COL24A1: variants seen among roughly 807,000 people sequenced by gnomAD.
COL24A1 encodes collagen alpha-1(XXIV) chain.
COL24A1 carries 224 observed loss-of-function variants against 253.9 expected under a neutral mutation model. The observed-to-expected ratio is 0.88, with a 90% confidence interval of 0.79 to 0.99. COL24A1 has a LOEUF of 0.99. Among genes scored for constraint, COL24A1 ranks in the 50% least tolerant of loss-of-function variants. The pLI, the probability that COL24A1 is intolerant of heterozygous loss-of-function variation, is 0.00. For missense variants in COL24A1, 2,131 were observed against 2,068.5 expected, an observed-to-expected ratio of 1.03 and a Z score of -0.59; for synonymous variants, 685 against 673.7, an observed-to-expected ratio of 1.02 and a Z score of -0.26.
rs368839616 is a variant in COL24A1 at position 85,839,158 on chromosome 1, C to T, written c.3628-520G>A. Among the ~76,000 whole-genome samples the T allele has an allele frequency of 1.1e-4, 17 of 152,220 alleles. No individual in the cohort carries two copies. The East Asian group carries it at 2.9e-3, about 26-fold the overall frequency. ...AGGTTGCAGTGAGTCATGTTTGCAC[C>T]ACTGCTCTCCAGCCTGGGCAACAGA... On this transcript the variant is annotated intron_variant, in intron 42 of 59. Coordinates refer to ENST00000370571, the MANE Select transcript of COL24A1 (RefSeq NM_152890.7).
intron 7 of COL24A1, among the ~76,000 whole-genome samples, chr1:86,074,478 A>G (rs1702107906): frequency 6.6e-6 from 1 of 152,200 alleles, no homozygotes; most frequent in African/African-American, 2.4e-5. Context: ...AGATCTACAA[A>G]GAGACTTAGA....
chr1:86,032,386 T>C (rs1698653231), intron 13 of COL24A1, among the ~76,000 whole-genome samples: 1 of 152,186 alleles, frequency 6.6e-6, no homozygotes, highest in South Asian at 2.1e-4. Flanking sequence ...AAAATAGAAA[T>C]ACCAATATTT....
chr1:85,934,447 T>A (rs150665565), intron 24 of COL24A1, among the ~76,000 whole-genome samples: 271 of 152,358 alleles, frequency 1.8e-3, no homozygotes, highest in African/African-American at 6.4e-3. Context: ...TTTTAAGTTA[T>A]ACACTTCTTT....
At chr1:85,982,540 G>A (rs918991234) in intron 20 of COL24A1, among the ~76,000 whole-genome samples, 1 of 148,686 alleles carries the variant, frequency 6.7e-6, no homozygotes, top group Non-Finnish European at 1.5e-5. Context: ...CCATTCCAGT[G>A]TTCATTTTGT....
intron 24 of COL24A1, among the ~76,000 whole-genome samples, chr1:85,914,043 A>G (rs1253128979): frequency 1.3e-5 from 2 of 151,826 alleles, no homozygotes; most frequent in Non-Finnish European, 2.9e-5. Flanking sequence ...TGACCTAATC[A>G]TCTCCCAAGG....
chr1:85,833,305 G>T (rs1305772596), intron 43 of COL24A1, among the ~76,000 whole-genome samples: 1 of 152,158 alleles, frequency 6.6e-6, no homozygotes, highest in Non-Finnish European at 1.5e-5. Context: ...AGTGGGTGAA[G>T]GATATGAACA....
Position 85,783,566 on chromosome 1 carries a change from T to C in COL24A1, c.4222-8A>G, listed in dbSNP as rs761622137. 22 of 1,612,180 alleles carry C rather than the reference T, an allele frequency of 1.4e-5. No individual in the cohort carries two copies. In the South Asian group the frequency reaches 2.2e-4, roughly 16 times the overall value. Reference sequence around the variant, plus strand: ...AGCATCCCCTTCAGGACCCTAGACATACAATAAGAAACAAAAAGATAAAAT... The same window carrying C: ...AGCATCCCCTTCAGGACCCTAGACACACAATAAGAAACAAAAAGATAAAAT... On this transcript the variant is annotated splice_region_variant and splice_polypyrimidine_tract_variant and intron_variant, in intron 50 of 59. Coordinates refer to ENST00000370571, the MANE Select transcript of COL24A1 (RefSeq NM_152890.7).
chr1:85,757,551 C>T (rs1043807186), intron 55 of COL24A1, among the ~76,000 whole-genome samples: 1 of 147,000 alleles, frequency 6.8e-6, no homozygotes, highest in Non-Finnish European at 1.5e-5. Context: ...TCAGTGCAGG[C>T]GACAACTCAA....
intron 1 of COL24A1, 179 bp downstream of exon 1, chr1:86,156,161 CA>C: frequency 3.5e-6 from 2 of 574,942 alleles, no homozygotes; most frequent in Admixed American, 6.4e-5. Flanking sequence ...GGCATCCTTT[CA>C]AACACGGTAT....
chr1:85,924,619 A>G (rs554672711), intron 24 of COL24A1, among the ~76,000 whole-genome samples: 4 of 152,344 alleles, frequency 2.6e-5, no homozygotes, highest in African/African-American at 9.6e-5. Flanking sequence ...AAAACTCAAC[A>G]GCCCTTCATG....
chr1:85,781,328 AC>A (rs1328487777), intron 51 of COL24A1, 55 bp from the exon 52 acceptor site: 3 of 1,193,768 alleles, frequency 2.5e-6, no homozygotes, highest in Non-Finnish European at 3.6e-6. Flanking sequence ...AAAAAAAAAA[AC>A]TCCACAGAAT....
At chr1:86,045,976 C>T (rs2101642132) in intron 12 of COL24A1, 2 of 321,134 alleles carry the variant, frequency 6.2e-6, no homozygotes, top group Admixed American at 3.7e-5. Flanking sequence ...ACTGATTTTA[C>T]CACTTTTAAC....
At chr1:86,035,066 T>A (rs1365772869) in intron 12 of COL24A1, among the ~76,000 whole-genome samples, 1 of 152,158 alleles carries the variant, frequency 6.6e-6, no homozygotes, top group Non-Finnish European at 1.5e-5. Context: ...TAGGTTAAAC[T>A]TAAAAGATAG....
At chr1:86,066,317 C>T (rs1701481583) in intron 7 of COL24A1, among the ~76,000 whole-genome samples, 1 of 145,852 alleles carries the variant, frequency 6.9e-6, no homozygotes, top group Non-Finnish European at 1.5e-5. Context: ...CGGCTCACTG[C>T]AAGCTCCGCC....
chr1:85,786,153 T>C (rs313710), intron 48 of COL24A1, among the ~76,000 whole-genome samples: 51,339 of 152,102 alleles, frequency 0.34, 10,045 homozygotes, highest in East Asian at 0.57. Flanking sequence ...AGAGTTGTTA[T>C]GACAAATTAC....
intron 43 of COL24A1, among the ~76,000 whole-genome samples, chr1:85,830,812 G>A (rs1257110981): frequency 2.6e-5 from 4 of 152,076 alleles, no homozygotes; most frequent in East Asian, 3.9e-4. Flanking sequence ...ACTGACCTGC[G>A]CCCACTGTCT....
At chr1:85,739,102 T>C (rs1664348746) in intron 57 of COL24A1, among the ~76,000 whole-genome samples, 1 of 152,210 alleles carries the variant, frequency 6.6e-6, no homozygotes, top group African/African-American at 2.4e-5. Context: ...GAATTTTGAA[T>C]ATTTCATAAA....
rs766699426 is a variant in COL24A1 at position 85,849,357 on chromosome 1, T to G, written c.3350A>C (p.Lys1117Thr). 2 of 1,612,828 alleles carry G rather than the reference T, an allele frequency of 1.2e-6. No homozygotes were observed. Among genetic ancestry groups the G allele is most frequent in the Admixed American group, 3.3e-5 (2 of 59,934 alleles). The change falls in exon 38 of 60, where the codon AAA becomes ACA. Residue 1117 changes from lysine to threonine, a missense_variant. By Grantham distance (78) the Lys-to-Thr change is moderately conservative. Transcript: ENST00000370571. ...GIPGQRGRPG[K>T]KGDKGQIGPT... is the part of the protein sequence containing the mutation. ...TAAGAAGATGTAAAAAATTACCTTT[T>G]TTCCTGGACGACCTCTTTGCCCTGG...
In COL24A1 at chr1:85,961,231, A is replaced by T. The variant is rs1162867494; in HGVS notation, c.2562+18T>A. ...TGCTTACAGCTGATTAAAAAATAAGAGCATAAAATAAGCTTACTGTTTCAC... is the reference window on the plus strand; with the variant it reads ...TGCTTACAGCTGATTAAAAAATAAGTGCATAAAATAAGCTTACTGTTTCAC... On this transcript the variant is annotated intron_variant, in intron 24 of 59. Coordinates refer to ENST00000370571, the MANE Select transcript of COL24A1 (RefSeq NM_152890.7). 1.9e-6 allele frequency: 3 copies of T among 1,551,054 alleles called. No homozygotes were observed. The highest frequency in any genetic ancestry group is 2.7e-6 in the Non-Finnish European group (3 of 1,124,460).
Sources: allele counts gnomAD v4.1 joint callset (sites outside exome capture counted in the v4.1 genomes callset), GRCh38; gene constraint gnomAD v4.1.1; transcripts MANE v1.5; gene names NCBI Gene and HGNC (gene_info 2026-07-23, HGNC 2026-07-21).